POU6F2: variants seen among roughly 807,000 people sequenced by gnomAD.
The protein encoded by POU6F2 is POU domain, class 6, transcription factor 2.
POU6F2 carries 31 observed loss-of-function variants against 71.3 expected under a neutral mutation model. The observed-to-expected ratio is 0.43, with a 90% CI of 0.33 to 0.59. The LOEUF (loss-of-function observed/expected upper bound fraction) is 0.59, where lower values mean the gene tolerates loss of function less well. POU6F2 is among the 20% of genes least tolerant of loss of function. POU6F2 has a pLI of 0.04. For missense variants in POU6F2, 783 were observed against 856.8 expected (o/e 0.91, Z 1.07); for synonymous variants, 347 against 355.7 (o/e 0.98, Z 0.27).
chr7:39,115,874 C>CT, intron 2 of POU6F2, among the ~76,000 whole-genome samples: 1 of 152,092 alleles, frequency 6.6e-6, no homozygotes, highest in African/African-American at 2.4e-5. Context: ...AACAGCTTCT[C>CT]TTTCCTGGAT....
chr7:39,318,563 A>G (rs1295684878), intron 4 of POU6F2, among the ~76,000 whole-genome samples: 1 of 152,220 alleles, frequency 6.6e-6, no homozygotes, highest in Non-Finnish European at 1.5e-5. Context: ...CACAGAAGAA[A>G]ATACAGTGCA....
intron 1 of POU6F2, among the ~76,000 whole-genome samples, chr7:39,023,775 A>T (rs1050584122): frequency 6.6e-6 from 1 of 152,036 alleles, no homozygotes; most frequent in Non-Finnish European, 1.5e-5. Flanking sequence ...TCCATTTTAT[A>T]TATTTTCTAT....
intron 3 of POU6F2, among the ~76,000 whole-genome samples, chr7:39,205,335 G>T (rs1274714504): frequency 4.6e-5 from 7 of 152,068 alleles, no homozygotes; most frequent in Non-Finnish European, 1.0e-4. Context: ...GTGTGTGTAT[G>T]TCTGCACACC....
intron 1 of POU6F2, among the ~76,000 whole-genome samples, chr7:38,980,952 C>A (rs981883958): frequency 1.2e-4 from 18 of 152,124 alleles, no homozygotes; most frequent in African/African-American, 4.1e-4. Context: ...CTCATATATG[C>A]CTTTCCCCTA....
intron 4 of POU6F2, among the ~76,000 whole-genome samples, chr7:39,282,303 A>G (rs73128453): frequency 0.11 from 16,790 of 152,058 alleles, 1,173 homozygotes; most frequent in Non-Finnish European, 0.15. Context: ...GTATAGTCCT[A>G]TCTGTCTATT....
chr7:39,274,357 T>C (rs376391629), intron 4 of POU6F2, among the ~76,000 whole-genome samples: 1 of 151,560 alleles, frequency 6.6e-6, no homozygotes, highest in Non-Finnish European at 1.5e-5. Context: ...CAGGAAGAAG[T>C]TGAATCTCTG....
At chr7:39,056,909 T>A (rs948266577) in intron 1 of POU6F2, among the ~76,000 whole-genome samples, 2 of 152,110 alleles carry the variant, frequency 1.3e-5, no homozygotes, top group Non-Finnish European at 2.9e-5. Flanking sequence ...CCTGAAAACA[T>A]AACTTGTCTG....
At chr7:39,390,386 G>A (rs1241826663) in intron 5 of POU6F2, among the ~76,000 whole-genome samples, 1 of 152,114 alleles carries the variant, frequency 6.6e-6, no homozygotes, top group Admixed American at 6.5e-5. Flanking sequence ...GCAAATCAAG[G>A]CTCTGATAAT....
intron 1 of POU6F2, among the ~76,000 whole-genome samples, chr7:38,992,624 A>G (rs2116629604): frequency 6.6e-6 from 1 of 152,324 alleles, no homozygotes. Context: ...ACAAGGCATG[A>G]CCAAAGGAGC....
At chr7:39,281,381 T>C (rs565805344) in intron 4 of POU6F2, among the ~76,000 whole-genome samples, 67 of 152,258 alleles carry the variant, frequency 4.4e-4, no homozygotes, top group Middle Eastern at 6.8e-3. Context: ...TACTGTGCAA[T>C]AGAATATCAG....
chr7:39,087,143 TATTA>T (rs61339985), intron 2 of POU6F2, among the ~76,000 whole-genome samples: 2,148 of 89,350 alleles, frequency 0.024, 20 homozygotes, highest in African/African-American at 0.055. Flanking sequence ...ACACAGGCTT[TATTA>T]ATTAATTAAT....
rs1003911556 is a variant in POU6F2, at chr7:39,458,287, C to G, written c.1490-2260C>G. On this transcript the variant is annotated intron_variant, in intron 8 of 9. Transcript: ENST00000518318. ...CCAGCCCACTGGACATTACCAAGTGCAAATGTACATCCGGAGCAGCCAAAT... is the reference window on the plus strand; with the variant it reads ...CCAGCCCACTGGACATTACCAAGTGGAAATGTACATCCGGAGCAGCCAAAT... Among the ~76,000 whole-genome samples, 12 of 152,054 alleles carry G rather than the reference C, an allele frequency of 7.9e-5. 1 individual carries two copies. Among genetic ancestry groups the G allele is most frequent in the African/African-American group, 2.9e-4 (12 of 41,390 alleles).
At chr7:39,413,074 G>C (rs1322605775) in intron 6 of POU6F2, among the ~76,000 whole-genome samples, 2 of 151,514 alleles carry the variant, frequency 1.3e-5, no homozygotes, top group Non-Finnish European at 2.9e-5. Context: ...AAAGTGCTGG[G>C]ATTACAGGCG....
intron 6 of POU6F2, among the ~76,000 whole-genome samples, chr7:39,407,815 G>T (rs1371555194): frequency 1.3e-5 from 2 of 152,300 alleles, no homozygotes; most frequent in South Asian, 2.1e-4. Context: ...AGCTGACCTT[G>T]TTTTATTTCC....
intron 4 of POU6F2, among the ~76,000 whole-genome samples, chr7:39,221,554 T>C (rs1794361338): frequency 6.6e-6 from 1 of 151,912 alleles, no homozygotes; most frequent in African/African-American, 2.4e-5. Context: ...CCACACCTAA[T>C]TTTTGTATTT....
chr7:39,405,414 A>G (rs1787401956), intron 5 of POU6F2, among the ~76,000 whole-genome samples: 1 of 152,226 alleles, frequency 6.6e-6, no homozygotes, highest in East Asian at 1.9e-4. Flanking sequence ...AAGAGCTTCC[A>G]AGACTTGAAT....
rs984122393 is a variant in POU6F2 at position 39,068,263 on chromosome 7, T to G, written c.106-17597T>G. ...GAAATAAGAGGAGAAATTCTAATAC[T>G]TTCTCACTGTACATCAGTGCCCTGT... On this transcript the variant is annotated intron_variant, in intron 1 of 9. Coordinates refer to ENST00000518318, the MANE Select transcript of POU6F2 (RefSeq NM_001370959.1). Among the ~76,000 whole-genome samples the G allele has an allele frequency of 3.4e-4, 52 of 152,134 alleles. 1 individual carries two copies. The highest frequency in any genetic ancestry group is 2.8e-4 in the Non-Finnish European group (19 of 68,026).
chr7:39,172,623 T>G (rs956622637), intron 2 of POU6F2, among the ~76,000 whole-genome samples: 2 of 119,666 alleles, frequency 1.7e-5, no homozygotes, highest in African/African-American at 6.3e-5. Context: ...CAGGTCCCCC[T>G]CCTTTTTTTT....
chr7:39,153,400 CT>C (rs1373262381), intron 2 of POU6F2, among the ~76,000 whole-genome samples: 1 of 152,070 alleles, frequency 6.6e-6, no homozygotes, highest in African/African-American at 2.4e-5. Context: ...GGTGGCTTTT[CT>C]GATTTTGCTA....
Sources: allele counts gnomAD v4.1 joint callset (sites outside exome capture counted in the v4.1 genomes callset), GRCh38; gene constraint gnomAD v4.1.1; transcripts MANE v1.5; gene names NCBI Gene and HGNC (gene_info 2026-07-23, HGNC 2026-07-21).